NDST3: variants seen among roughly 807,000 people sequenced by gnomAD.
The protein encoded by NDST3 is N-deacetylase and N-sulfotransferase 3.
NDST3 carries 58 observed loss-of-function variants against 96.1 expected under a neutral mutation model. The ratio of observed to expected loss-of-function variants is 0.60; its 90% CI spans 0.49 to 0.75. NDST3 has a LOEUF of 0.75. NDST3 is among the 30% of genes least tolerant of loss of function. The pLI is 0.00. For synonymous variants in NDST3, 333 were observed against 359.7 expected, an observed-to-expected ratio of 0.93 and a Z score of 0.84; for missense variants, 788 against 1,034.2, an observed-to-expected ratio of 0.76 and a Z score of 3.27.
chr4:118,044,044 G>C (rs1294928291), intron 1 of NDST3, among the ~76,000 whole-genome samples: 2 of 152,144 alleles, frequency 1.3e-5, no homozygotes, highest in Non-Finnish European at 2.9e-5. Context: ...TAAACAGTGA[G>C]AGCAAATACT....
intron 1 of NDST3, among the ~76,000 whole-genome samples, chr4:118,042,970 G>A (rs888754105): frequency 6.6e-6 from 1 of 152,174 alleles, no homozygotes; most frequent in Admixed American, 6.5e-5. Flanking sequence ...GTTGGCTGCT[G>A]TCTCACAAGT....
In NDST3 at chr4:118,143,638, A is replaced by C. The variant is rs1733726804; in HGVS notation, c.1493A>C (p.Lys498Thr). The change falls in exon 6 of 14, where the codon AAG (lysine) becomes ACG (threonine). Residue 498 changes from lysine (K) to threonine (T), a missense_variant. Coordinates refer to ENST00000296499, the MANE Select transcript of NDST3 (RefSeq NM_004784.3). ...CCAGGGGGTCCTAAAGAGCTGGATA[A>C]GAGTATCCAAGGAGGAGAACTTTTC... ...EYPGGPKELD[K>T]SIQGGELFFT... 1 of 1,608,278 alleles carries C rather than the reference A, an allele frequency of 6.2e-7. No individual in the cohort carries two copies. Among genetic ancestry groups the C allele is most frequent in the Non-Finnish European group, 8.5e-7 (1 of 1,178,126 alleles).
rs376844997 is a variant in NDST3, at chr4:118,237,200, C to A, written c.2098C>A (p.Arg700=). The part of the protein sequence containing the change: ...IITILIDPSD[R]AYSWYQHQRS... ...CACCATTCTCATTGACCCTTCAGAC[C>A]GAGCATACTCCTGGTACCAGGTAAG... The change falls in exon 10 of 14, where the codon CGA becomes AGA. Residue 700 remains arginine, a synonymous_variant. Coordinates refer to ENST00000296499, the MANE Select transcript of NDST3 (RefSeq NM_004784.3). 1.2e-6 allele frequency: 2 copies of A among 1,610,678 alleles called. No homozygotes were observed. Among genetic ancestry groups the A allele is most frequent in the Admixed American group, 3.4e-5 (2 of 59,544 alleles).
intron 1 of NDST3, among the ~76,000 whole-genome samples, chr4:118,045,997 A>G (rs551536892): frequency 6.6e-6 from 1 of 152,076 alleles, no homozygotes. Flanking sequence ...TGCAGCAAAG[A>G]AGTGCTACTC....
intron 2 of NDST3, chr4:118,055,136 T>C (rs1016933525): frequency 7.6e-6 from 4 of 526,048 alleles, no homozygotes; most frequent in Non-Finnish European, 1.4e-5. Context: ...TTTCTACATG[T>C]ATTTACAACT....
At position 118,116,908 on chromosome 4, in the gene NDST3, C is replaced by T. The variant is rs75936728; in HGVS notation, c.1224+1948C>T. 6.6e-3 allele frequency among the ~76,000 whole-genome samples: 1,010 copies of T among 151,978 alleles called. 7 individuals carry two copies. Among genetic ancestry groups the T allele is most frequent in the African/African-American group, 0.023 (968 of 41,472 alleles). On this transcript the variant is annotated intron_variant, in intron 4 of 13. Transcript: ENST00000296499. ...TACTTAATACATATGCTAGAACAGG[C>T]ATGCACAGGAGTTACATGCATTTTT... is the stretch of plus-strand genomic sequence containing the variant.
Position 118,224,651 on chromosome 4 carries a change from A to G in NDST3, c.1700A>G (p.Asp567Gly). 6.2e-7 allele frequency: 1 copy of G among 1,604,286 alleles called. No individual in the cohort carries two copies. ...CACAAGTATTTTGAGCTGTTTCCTG[A>G]TCAGAAAGACCCTCTCTGGCAGGTA... ...LAHKYFELFP[D>G]QKDPLWQNPC... Residue 567 changes from aspartate to glycine, a missense_variant, in exon 7 of 14, where the codon GAT (aspartate) becomes GGT (glycine). Transcript: ENST00000296499.
At chr4:118,229,129 C>T (rs1288232296) in intron 8 of NDST3, among the ~76,000 whole-genome samples, 3 of 151,594 alleles carry the variant, frequency 2.0e-5, no homozygotes, top group East Asian at 1.9e-4. Flanking sequence ...GGTGAAAACC[C>T]GTCACTACTA....
At chr4:118,042,351 G>T (rs1317347681) in intron 1 of NDST3, among the ~76,000 whole-genome samples, 1 of 151,826 alleles carries the variant, frequency 6.6e-6, no homozygotes, top group Non-Finnish European at 1.5e-5. Context: ...AACCACCTTA[G>T]TCTGGACCTA....
At chr4:118,052,670 T>C (rs956383201) in intron 1 of NDST3, among the ~76,000 whole-genome samples, 13 of 151,940 alleles carry the variant, frequency 8.6e-5, no homozygotes, top group Non-Finnish European at 1.0e-4. Flanking sequence ...AGAAAAAATA[T>C]TGTTCAGTTG....
chr4:118,247,453 G>A (rs1393360147), intron 12 of NDST3, among the ~76,000 whole-genome samples: 1 of 152,124 alleles, frequency 6.6e-6, no homozygotes, highest in Non-Finnish European at 1.5e-5. Context: ...TCCAGAGGCT[G>A]AGGCAGGAGA....
chr4:118,212,634 A>C (rs1262035277), intron 6 of NDST3, among the ~76,000 whole-genome samples: 1 of 152,136 alleles, frequency 6.6e-6, no homozygotes. Context: ...TGCTATGACC[A>C]TTTGCAGCAG....
At chr4:118,130,338 G>A (rs1056518846) in intron 4 of NDST3, among the ~76,000 whole-genome samples, 2 of 151,816 alleles carry the variant, frequency 1.3e-5, no homozygotes, top group Non-Finnish European at 2.9e-5. Flanking sequence ...GCTTGTTTCT[G>A]TTGTGTTTTT....
At chr4:118,079,592 G>A (rs1727848226) in intron 2 of NDST3, among the ~76,000 whole-genome samples, 2 of 152,178 alleles carry the variant, frequency 1.3e-5, no homozygotes, top group Non-Finnish European at 2.9e-5. Flanking sequence ...AAACAGACAG[G>A]AACCAGATTA....
chr4:118,136,297 TAA>T (rs1176857864), intron 4 of NDST3, among the ~76,000 whole-genome samples: 1 of 152,192 alleles, frequency 6.6e-6, no homozygotes, highest in Non-Finnish European at 1.5e-5. Context: ...CCAGAAATAA[TAA>T]AGTTACTTCA....
chr4:118,255,399 T>C (rs1333813766), intron 13 of NDST3, among the ~76,000 whole-genome samples, 194 bp from the exon 14 acceptor site: 2 of 151,568 alleles, frequency 1.3e-5, no homozygotes, highest in African/African-American at 4.8e-5. Context: ...CTTTTGCCTC[T>C]TCCTAGTAAG....
chr4:118,135,878 A>G (rs1733043371), intron 4 of NDST3, among the ~76,000 whole-genome samples: 1 of 152,208 alleles, frequency 6.6e-6, no homozygotes, highest in South Asian at 2.1e-4. Context: ...TCCCGTCTCA[A>G]TAAATTAACT....
intron 2 of NDST3, among the ~76,000 whole-genome samples, chr4:118,085,426 T>C (rs2125823522): frequency 6.6e-6 from 1 of 152,320 alleles, no homozygotes; most frequent in South Asian, 2.1e-4. Flanking sequence ...AAAGTACTAA[T>C]AGAAATTGTT....
intron 2 of NDST3, among the ~76,000 whole-genome samples, chr4:118,094,847 A>T (rs1276234208): frequency 6.6e-6 from 1 of 151,854 alleles, no homozygotes; most frequent in Non-Finnish European, 1.5e-5. Context: ...ACCAATAGTA[A>T]TAGCGATAAA....
Sources: allele counts gnomAD v4.1 joint callset (sites outside exome capture counted in the v4.1 genomes callset), GRCh38; gene constraint gnomAD v4.1.1; transcripts MANE v1.5; gene names NCBI Gene and HGNC (gene_info 2026-07-23, HGNC 2026-07-21).